EPS8L2: variants seen among roughly 807,000 people sequenced by gnomAD.
EPS8L2 encodes the protein epidermal growth factor receptor kinase substrate 8-like protein 2.
In EPS8L2, 81 loss-of-function variants were observed where a neutral mutation model predicts 99.4. The observed-to-expected ratio is 0.82, with a 90% CI of 0.68 to 0.98. The LOEUF (loss-of-function observed/expected upper bound fraction) is 0.98, where lower values mean the gene tolerates loss of function less well. Ranked by LOEUF, EPS8L2 falls within the 50% of genes least tolerant of loss-of-function variation. The pLI is 0.00. For synonymous variants in EPS8L2, 509 were observed against 407.3 expected (o/e 1.25, Z -3.01); for missense variants, 1,155 against 968.8 (o/e 1.19, Z -2.55).
Position 721,600 on chromosome 11 carries a change from G to T in EPS8L2, c.804G>T (p.Trp268Cys), listed in dbSNP as rs928635668. The change falls in exon 10 of 21, where the codon TGG becomes TGT. Residue 268 changes from tryptophan (W) to cysteine (C), a missense_variant. Transcript: ENST00000318562. The stretch of plus-strand genomic sequence containing the variant: ...ACTGCGCCCTGGACGACATCGAGTG[G>T]TTTGTGGCCCGGCTGCAGAAGGCAG... ...ILNCALDDIEWFVARLQKAAE... is the reference protein window; with the variant it reads ...ILNCALDDIECFVARLQKAAE... 11 of 1,573,676 alleles carry T rather than the reference G, an allele frequency of 7.0e-6. No individual in the cohort carries two copies. Among genetic ancestry groups the T allele is most frequent in the African/African-American group, 1.4e-5 (1 of 72,414 alleles).
At chr11:713,561 CTG>C (rs1405330942) in intron 4 of EPS8L2, among the ~76,000 whole-genome samples, 2 of 151,942 alleles carry the variant, frequency 1.3e-5, no homozygotes, top group African/African-American at 4.8e-5. Context: ...TTTTTTTTCT[CTG>C]AGACAGAGTC....
chr11:707,927 C>A lies in EPS8L2; in HGVS notation c.-78-1403C>A, dbSNP rs1018655793. On this transcript the variant is annotated intron_variant, in intron 1 of 20. Transcript: ENST00000318562. ...ATTAAGCAAACACTCAGGCTCGCCACTGAGCCCGTGAACATTCCAGACATT... is the reference window on the plus strand; with the variant it reads ...ATTAAGCAAACACTCAGGCTCGCCAATGAGCCCGTGAACATTCCAGACATT... Among the ~76,000 whole-genome samples, 50 of 152,266 alleles carry A rather than the reference C, an allele frequency of 3.3e-4. 1 individual carries two copies. The highest frequency in any genetic ancestry group is 1.2e-3 in the African/African-American group (48 of 41,552).
chr11:711,711 C>T (rs1362137504), intron 4 of EPS8L2, among the ~76,000 whole-genome samples: 5 of 151,968 alleles, frequency 3.3e-5, no homozygotes, highest in African/African-American at 4.8e-5. Context: ...AGGCCAGGCG[C>T]GGTGGCTCAC....
chr11:711,757 G>A (rs1401924540), intron 4 of EPS8L2, among the ~76,000 whole-genome samples: 1 of 152,082 alleles, frequency 6.6e-6, no homozygotes, highest in African/African-American at 2.4e-5. Flanking sequence ...GCTGAGGTGA[G>A]TGGATCATCT....
intron 4 of EPS8L2, among the ~76,000 whole-genome samples, chr11:713,640 G>T (rs552009408): frequency 6.6e-6 from 1 of 152,214 alleles, no homozygotes; most frequent in African/African-American, 2.4e-5. Flanking sequence ...CGCCTCAAGG[G>T]TTCAAGTGAT....
intron 4 of EPS8L2, among the ~76,000 whole-genome samples, chr11:713,870 T>A (rs979667032): frequency 6.6e-6 from 1 of 152,060 alleles, no homozygotes; most frequent in Non-Finnish European, 1.5e-5. Context: ...TTAGTACAGA[T>A]GGGGTTTCAC....
At chr11:717,808 G>A (rs1428608539) in intron 4 of EPS8L2, among the ~76,000 whole-genome samples, 1 of 151,856 alleles carries the variant, frequency 6.6e-6, no homozygotes, top group Non-Finnish European at 1.5e-5. Flanking sequence ...AGGAGATGGA[G>A]ACCATCCTGG....
chr11:724,856 GA>G lies in EPS8L2; in HGVS notation c.1560+28del. 6.4e-7 allele frequency: 1 copy of G among 1,557,938 alleles called. No individual in the cohort carries two copies. Among genetic ancestry groups the G allele is most frequent in the South Asian group, 1.1e-5 (1 of 89,832 alleles). ...TGAGGGGCTGGAGGACGGGGTCCAA[GA>G]GGGGGAAACAGGGCAGGGCTTCAAG... On this transcript the variant is annotated intron_variant, in intron 16 of 20. Coordinates refer to ENST00000318562, the MANE Select transcript of EPS8L2 (RefSeq NM_022772.4). This position sits in a 1 kb window ranked among gnomAD's most constrained non-coding sequence, Gnocchi z 5.5.
At chr11:709,295 G>C in intron 1 of EPS8L2, 35 bp from the exon 2 acceptor site, 4 of 1,295,524 alleles carry the variant, frequency 3.1e-6, no homozygotes, top group Non-Finnish European at 4.3e-6. Flanking sequence ...AGCCAGGCCG[G>C]AGGAAGTGTC....
In EPS8L2 at chr11:726,417, C is replaced by A; in HGVS notation, c.1867C>A (p.Pro623Thr). 6.2e-7 allele frequency: 1 copy of A among 1,604,498 alleles called. No homozygotes were observed. Among genetic ancestry groups the A allele is most frequent in the Non-Finnish European group, 8.5e-7 (1 of 1,176,656 alleles). The change falls in exon 19 of 21, where the codon CCG becomes ACG. Residue 623 changes from proline to threonine, a missense_variant. Pro to Thr is a conservative substitution (Grantham distance 38). Transcript: ENST00000318562. ...RVERSQPVSQ[P>T]LTYESGPDEV... ...GGAGCGCAGCCAGCCCGTGAGCCAG[C>A]CGCTCACCTACGAGTCGGGTCCGGA...
At chr11:714,218 CTTTTTCTTTTCTTTTTTCTTTT>C (rs1861959902) in intron 4 of EPS8L2, among the ~76,000 whole-genome samples, 1 of 148,312 alleles carries the variant, frequency 6.7e-6, no homozygotes, top group Admixed American at 7.0e-5. Context: ...CCTGTGTTTT[CTTTTTCTTTTCTTTTTTCTTTT>C]TTTTTTTGAG....
At chr11:716,152 G>GTTT (rs755449453) in intron 4 of EPS8L2, among the ~76,000 whole-genome samples, 1 of 121,186 alleles carries the variant, frequency 8.3e-6, no homozygotes, top group Non-Finnish European at 1.8e-5. Flanking sequence ...TTTGTGTGGG[G>GTTT]TTTTTTTTTT....
At chr11:714,838 T>C (rs1861975865) in intron 4 of EPS8L2, among the ~76,000 whole-genome samples, 1 of 152,000 alleles carries the variant, frequency 6.6e-6, no homozygotes, top group African/African-American at 2.4e-5. Flanking sequence ...TGATGTCCAT[T>C]AGAGGTACTG....
At chr11:726,000 C>T (rs1862306366) in intron 17 of EPS8L2, 98 bp from the exon 18 acceptor site, 5 of 1,102,570 alleles carry the variant, frequency 4.5e-6, no homozygotes, top group East Asian at 3.9e-5. Flanking sequence ...GTCCGCAGGC[C>T]GGGGCTGTAG....
chr11:721,212 C>T lies in EPS8L2; in HGVS notation c.700+6C>T. On this transcript the variant is annotated splice_donor_region_variant and intron_variant, in intron 8 of 20. Transcript: ENST00000318562. ...GGTGCCACTCAGCGAGCCAGGTGGG[C>T]CGAGGGGCTGGAGGGGGCTCCACAG... 6.5e-7 allele frequency: 1 copy of T among 1,531,608 alleles called. No homozygotes were observed. Among genetic ancestry groups the T allele is most frequent in the African/African-American group, 1.4e-5 (1 of 72,746 alleles). The allele number at this position is 1,531,608 out of a possible 1,614,324, so 94.9% of individuals were successfully genotyped here.
At chr11:715,191 G>A (rs562828577) in intron 4 of EPS8L2, among the ~76,000 whole-genome samples, 26 of 151,862 alleles carry the variant, frequency 1.7e-4, no homozygotes, top group African/African-American at 6.3e-4. Flanking sequence ...GCAGTAAGCT[G>A]AGATTGCGCC....
intron 14 of EPS8L2, 103 bp downstream of exon 14, chr11:722,908 C>T (rs1421474453): frequency 1.5e-5 from 11 of 728,408 alleles, no homozygotes; most frequent in Admixed American, 3.1e-5. Flanking sequence ...GAGCTCCCCC[C>T]CCAGCCCTGA....
At chr11:707,347 GC>G (rs1564967423) in intron 1 of EPS8L2, among the ~76,000 whole-genome samples, 1 of 152,166 alleles carries the variant, frequency 6.6e-6, no homozygotes, top group East Asian at 1.9e-4. Context: ...GCCCCACCCA[GC>G]GCCTATGAGG....
chr11:721,030 C>T lies in EPS8L2; in HGVS notation c.558-34C>T, dbSNP rs541324307. On this transcript the variant is annotated intron_variant, in intron 7 of 20. Coordinates refer to ENST00000318562, the MANE Select transcript of EPS8L2 (RefSeq NM_022772.4). The stretch of plus-strand genomic sequence containing the variant: ...AGGGAGGGAGGGTCAGGTGCGTTCC[C>T]GGCGGGGCTGAGCAGGACCCCCTCG... The T allele has an allele frequency of 1.3e-5, 16 of 1,242,172 alleles. No homozygotes were observed. In the East Asian group the frequency reaches 2.4e-4, roughly 19 times the overall value. 76.9% of individuals were successfully genotyped at this position (1,242,172 alleles called of 1,614,324 possible).
Sources: allele counts gnomAD v4.1 joint callset (sites outside exome capture counted in the v4.1 genomes callset), GRCh38; gene constraint gnomAD v4.1.1; non-coding constraint Gnocchi (gnomAD v3.1); transcripts MANE v1.5; gene names NCBI Gene and HGNC (gene_info 2026-07-23, HGNC 2026-07-21).